The following SFXN2 variants were observed in gnomAD, a reference collection of about 807,000 sequenced individuals.
The protein encoded by SFXN2 is sideroflexin-2.
A neutral mutation model predicts 41.9 loss-of-function variants in SFXN2; 37 were observed. That is an observed-to-expected ratio of 0.88 (90% CI 0.68 to 1.16). The LOEUF is 1.16. Among genes scored for constraint, SFXN2 ranks in the 50% most tolerant of loss-of-function variants. SFXN2 has a pLI of 0.00. For synonymous variants in SFXN2, 150 were observed against 156.7 expected (o/e 0.96, Z 0.32); for missense variants, 386 against 425.2 (o/e 0.91, Z 0.81).
rs187925429 is a variant in SFXN2 at position 102,720,331 on chromosome 10, C to T, written c.-26+5650C>T. ...AAAAAAAAAAAACCCATGGCAGGAC[C>T]GGGGCTGGTAGCTCACTCCTGTAAT... On this transcript the variant is annotated intron_variant, in intron 1 of 11. Transcript: ENST00000369893. 3.4e-3 allele frequency among the ~76,000 whole-genome samples: 494 copies of T among 147,386 alleles called. 5 individuals carry two copies. The highest frequency in any genetic ancestry group is 0.011 in the African/African-American group (428 of 40,084).
At chr10:102,720,088 C>T (rs530598457) in intron 1 of SFXN2, among the ~76,000 whole-genome samples, 5 of 151,888 alleles carry the variant, frequency 3.3e-5, no homozygotes, top group Non-Finnish European at 7.4e-5. Flanking sequence ...GTCAGGAGAT[C>T]GAGACCATCC....
chr10:102,733,961 C>G (rs1291179097), intron 10 of SFXN2, among the ~76,000 whole-genome samples: 1 of 151,938 alleles, frequency 6.6e-6, no homozygotes, highest in Non-Finnish European at 1.5e-5. Flanking sequence ...AGCCTCAGCT[C>G]GCTGCAACCT....
Position 102,740,835 on chromosome 10 carries a change from G to GGA in SFXN2, c.*3074_*3075dup, listed in dbSNP as rs1176784548. The GGA allele has an allele frequency of 1.1e-4, 17 of 152,158 alleles. No homozygotes were observed. Among genetic ancestry groups the GGA allele is most frequent in the African/African-American group, 3.9e-4 (16 of 41,430 alleles). 9.4% of individuals were successfully genotyped at this position (152,158 alleles called of 1,614,324 possible). A position where few individuals can be genotyped will look rare whatever the true frequency, so the allele number is the denominator to read the frequency against. On this transcript the variant is annotated 3_prime_UTR_variant, in exon 12 of 12. Transcript: ENST00000369893. ...CTGGCTTTATTTCCAAAAGCAAATA[G>GGA]GAAAAGGGAAACATTACCAGAGCCA...
At chr10:102,720,775 A>G (rs554986787) in intron 1 of SFXN2, among the ~76,000 whole-genome samples, 1 of 152,260 alleles carries the variant, frequency 6.6e-6, no homozygotes, top group African/African-American at 2.4e-5. Flanking sequence ...TCATGTGTCA[A>G]CTTGGCTAAG....
At chr10:102,730,315 C>G (rs990744788) in intron 6 of SFXN2, among the ~76,000 whole-genome samples, 1 of 152,136 alleles carries the variant, frequency 6.6e-6, no homozygotes, top group Non-Finnish European at 1.5e-5. Context: ...GTTCTTATTT[C>G]TTGACTAGAG....
At position 102,741,888 on chromosome 10, in the gene SFXN2, CAAA is replaced by C. The variant is rs1842788686; in HGVS notation, c.*4129_*4131del. 1 of 152,176 alleles carries C rather than the reference CAAA, an allele frequency of 6.6e-6. No individual in the cohort carries two copies. Among genetic ancestry groups the C allele is most frequent in the Non-Finnish European group, 1.5e-5 (1 of 68,040 alleles). 9.4% of individuals were successfully genotyped at this position (152,176 alleles called of 1,614,324 possible). A position where few individuals can be genotyped will look rare whatever the true frequency, so the allele number is the denominator to read the frequency against. On this transcript the variant is annotated 3_prime_UTR_variant, in exon 12 of 12. Transcript: ENST00000369893. Reference sequence around the variant, plus strand: ...AAATTTCTAAGAAACGAGAGATTGGCAAAAATACGTGTCACTTTTTATAGTACT... The same window carrying C: ...AAATTTCTAAGAAACGAGAGATTGGCAATACGTGTCACTTTTTATAGTACT...
At chr10:102,716,330 G>GT (rs2064412113) in intron 1 of SFXN2, 1 of 151,980 alleles carries the variant, frequency 6.6e-6, no homozygotes, top group Non-Finnish European at 1.5e-5. Flanking sequence ...TTCCTCTGAT[G>GT]TGAGTACCAG....
chr10:102,732,434 A>T (rs1478591803), intron 8 of SFXN2, among the ~76,000 whole-genome samples: 4 of 152,180 alleles, frequency 2.6e-5, no homozygotes, highest in Non-Finnish European at 5.9e-5. Flanking sequence ...TCATTTTATT[A>T]ATACTTGTCA....
Position 102,726,994 on chromosome 10 carries a change from G to T in SFXN2, c.169G>T (p.Val57Phe). The change falls in exon 3 of 12, where the codon GTT becomes TTT. Residue 57 changes from valine (V) to phenylalanine (F), a missense_variant. Coordinates refer to ENST00000369893, the MANE Select transcript of SFXN2 (RefSeq NM_178858.6). The part of the protein sequence containing the change: ...KVMVEKSRMG[V>F]VPPGTQVEQL... ...GCTGTCCTTGGGTGGCAGGATGGGGGTTGTGCCCCCAGGCACCCAAGTGGA... is the reference window on the plus strand; with the variant it reads ...GCTGTCCTTGGGTGGCAGGATGGGGTTTGTGCCCCCAGGCACCCAAGTGGA... The T allele has an allele frequency of 6.3e-7, 1 of 1,597,332 alleles. No individual in the cohort carries two copies. The highest frequency in any genetic ancestry group is 8.6e-7 in the Non-Finnish European group (1 of 1,166,724).
intron 10 of SFXN2, among the ~76,000 whole-genome samples, chr10:102,735,587 A>G (rs927009715): frequency 2.0e-5 from 3 of 152,134 alleles, no homozygotes; most frequent in Non-Finnish European, 4.4e-5. Flanking sequence ...TGCTGCTCAC[A>G]GTCCCTGTTT....
Position 102,741,779 on chromosome 10 carries a change from A to G in SFXN2, c.*4017A>G, listed in dbSNP as rs995776225. On this transcript the variant is annotated 3_prime_UTR_variant, in exon 12 of 12. Transcript: ENST00000369893. ...AACTTTTTGAGGCCAGGAATTAGAGACCTTGTGCCATGAAAATAATTTGGT... is the reference window on the plus strand; with the variant it reads ...AACTTTTTGAGGCCAGGAATTAGAGGCCTTGTGCCATGAAAATAATTTGGT... The G allele has an allele frequency of 6.6e-6, 1 of 152,218 alleles. No homozygotes were observed. The highest frequency in any genetic ancestry group is 2.4e-5 in the African/African-American group (1 of 41,466). 9.4% of individuals were successfully genotyped at this position (152,218 alleles called of 1,614,324 possible).
chr10:102,735,447 T>C (rs2064762850), intron 10 of SFXN2, among the ~76,000 whole-genome samples: 3 of 130,908 alleles, frequency 2.3e-5, no homozygotes, highest in East Asian at 2.4e-4. Flanking sequence ...GTCCCTCCTC[T>C]CCCTCCATGA....
chr10:102,717,685 C>G, intron 1 of SFXN2: 2 of 889,504 alleles, frequency 2.2e-6, no homozygotes, highest in Non-Finnish European at 2.7e-6. Context: ...AAAGCGTGCT[C>G]TTAATTCTGT....
chr10:102,715,789 A>AT (rs1590133609), intron 1 of SFXN2, among the ~76,000 whole-genome samples: 7 of 151,588 alleles, frequency 4.6e-5, no homozygotes, highest in East Asian at 1.9e-4. Context: ...TACAAAAAAA[A>AT]ATTTTTTTTA....
intron 3 of SFXN2, among the ~76,000 whole-genome samples, chr10:102,727,944 A>G (rs1459890986): frequency 6.6e-6 from 1 of 152,046 alleles, no homozygotes; most frequent in East Asian, 1.9e-4. Flanking sequence ...GTATGGAAGG[A>G]GGAGGGGGAG....
intron 1 of SFXN2, among the ~76,000 whole-genome samples, chr10:102,724,665 G>T (rs1379420131): frequency 6.6e-6 from 1 of 151,770 alleles, no homozygotes; most frequent in Non-Finnish European, 1.5e-5. Flanking sequence ...TCGTGCCATT[G>T]TACTCCAGCC....
In SFXN2 at chr10:102,743,102, ACT is replaced by A. The variant is rs938453747; in HGVS notation, c.*5345_*5346del. The stretch of plus-strand genomic sequence containing the variant: ...GAGAGGACCGTGTTGGGAAGTTTGG[ACT>A]CTCTATTCTGTAGGTAGATGAAGTA... On this transcript the variant is annotated 3_prime_UTR_variant, in exon 12 of 12. Coordinates refer to ENST00000369893, the MANE Select transcript of SFXN2 (RefSeq NM_178858.6). The A allele has an allele frequency of 1.2e-4, 18 of 152,012 alleles. No homozygotes were observed. The highest frequency in any genetic ancestry group is 3.9e-4 in the Admixed American group (6 of 15,248). 9.4% of individuals were successfully genotyped at this position (152,012 alleles called of 1,614,324 possible). A position where few individuals can be genotyped will look rare whatever the true frequency, so the allele number is the denominator to read the frequency against.
At chr10:102,728,404 G>A (rs2136046802) in intron 3 of SFXN2, 27 bp from the exon 4 acceptor site, 1 of 1,607,424 alleles carries the variant, frequency 6.2e-7, no homozygotes, top group Non-Finnish European at 8.5e-7. Context: ...ACTTCTCTCT[G>A]CCTCTCCTGG....
intron 1 of SFXN2, 95 bp from the exon 2 acceptor site, chr10:102,726,517 G>A: frequency 7.7e-7 from 1 of 1,301,978 alleles, no homozygotes; most frequent in Non-Finnish European, 1.1e-6. Flanking sequence ...CCAGTAGCTG[G>A]TGAGAGCAGG....
Sources: gnomAD v4.1 joint callset for allele counts (sites outside exome capture counted in the v4.1 genomes callset) on GRCh38, gnomAD v4.1.1 for gene constraint, MANE v1.5 for transcripts, NCBI Gene and HGNC (gene_info 2026-07-23, HGNC 2026-07-21) for gene names.